Variants in EPGN observed in about 807,000 individuals in gnomAD.
The protein encoded by EPGN is epithelial mitogen, also known as epigen.
A neutral mutation model predicts 20.7 loss-of-function variants in EPGN; 21 were observed. That is an observed-to-expected ratio of 1.01 (90% CI 0.72 to 1.46). The LOEUF is 1.46. Ranked by LOEUF, EPGN falls within the 40% of genes most tolerant of loss-of-function variation. The pLI, the probability that EPGN is intolerant of heterozygous loss-of-function variation, is 0.00. For synonymous variants in EPGN, 69 were observed against 63.8 expected (o/e 1.08, Z -0.39); for missense variants, 199 against 180.7 (o/e 1.10, Z -0.58).
In EPGN at chr4:74,315,836, C is replaced by A. The variant is rs979020813; in HGVS notation, c.*1199C>A. 1.3e-5 allele frequency among the ~76,000 whole-genome samples: 2 copies of A among 151,648 alleles called. No homozygotes were observed. Among genetic ancestry groups the A allele is most frequent in the Non-Finnish European group, 1.5e-5 (1 of 67,978 alleles). On this transcript the variant is annotated 3_prime_UTR_variant, in exon 5 of 5. Transcript: ENST00000413830. ...GCGTGGTGGTGCATGCCTGTAATCC[C>A]AGCTACTCCAGAGGCTGACACAGGA...
At chr4:74,314,528 G>T in intron 4 of EPGN, 52 bp from the exon 5 acceptor site, 3 of 1,507,650 alleles carry the variant, frequency 2.0e-6, no homozygotes, top group South Asian at 2.4e-5. Context: ...AAGCTTCAAT[G>T]ACCTATATGA....
Position 74,316,293 on chromosome 4 carries a change from C to A in EPGN, c.*1656C>A, listed in dbSNP as rs565085536. 6.6e-6 allele frequency among the ~76,000 whole-genome samples: 1 copy of A among 152,120 alleles called. No homozygotes were observed. The highest frequency in any genetic ancestry group is 2.1e-4 in the South Asian group (1 of 4,820). On this transcript the variant is annotated 3_prime_UTR_variant, in exon 5 of 5. Coordinates refer to ENST00000413830, the MANE Select transcript of EPGN (RefSeq NM_001270989.2). ...AATATTAAAGAGTAATAATAGCTATCATTTTTTAAGATTCAATCTAAAACA... is the reference window on the plus strand; with the variant it reads ...AATATTAAAGAGTAATAATAGCTATAATTTTTTAAGATTCAATCTAAAACA...
At chr4:74,314,146 G>A (rs1182224837) in intron 4 of EPGN, 7 of 457,786 alleles carry the variant, frequency 1.5e-5, no homozygotes, top group Non-Finnish European at 2.6e-5. Context: ...CTGTAATAAA[G>A]TAAGGAAAGC....
chr4:74,308,672 G>A, intron 1 of EPGN, 96 bp downstream of exon 1: 1 of 1,030,426 alleles, frequency 9.7e-7, no homozygotes, highest in South Asian at 1.7e-5. Context: ...GCTTCTAACA[G>A]TTGTTCTTTA....
In EPGN at chr4:74,314,807, G is replaced by T. The variant is rs1245953805; in HGVS notation, c.*170G>T. 4.6e-6 allele frequency: 3 copies of T among 655,682 alleles called. No individual in the cohort carries two copies. Among genetic ancestry groups the T allele is most frequent in the Admixed American group, 2.9e-5 (1 of 34,536 alleles). 40.6% of individuals were successfully genotyped at this position (655,682 alleles called of 1,614,324 possible). ...AATTCAGCGTTGGCCTTTAGACTTT[G>T]CCATCCTTAAGGAGTGATGGAAGCC... On this transcript the variant is annotated 3_prime_UTR_variant, in exon 5 of 5. Coordinates refer to ENST00000413830, the MANE Select transcript of EPGN (RefSeq NM_001270989.2).
At chr4:74,314,076 T>C (rs1244540375) in intron 4 of EPGN, 3 of 455,682 alleles carry the variant, frequency 6.6e-6, no homozygotes, top group Non-Finnish European at 1.3e-5. Context: ...AGCCTTCAGA[T>C]AGAGATTGCT....
chr4:74,312,560 T>A (rs1751030698), intron 3 of EPGN, among the ~76,000 whole-genome samples: 1 of 152,144 alleles, frequency 6.6e-6, no homozygotes, highest in African/African-American at 2.4e-5. Flanking sequence ...AAATGCAGGA[T>A]CTATGCTCTA....
intron 1 of EPGN, 89 bp from the exon 2 acceptor site, chr4:74,309,004 G>T: frequency 1.0e-6 from 1 of 967,106 alleles, no homozygotes; most frequent in Non-Finnish European, 1.6e-6. Flanking sequence ...AATAGAAATT[G>T]GAATAAACAG....
intron 2 of EPGN, among the ~76,000 whole-genome samples, chr4:74,309,577 A>G (rs574708433): frequency 7.1e-6 from 1 of 139,900 alleles, no homozygotes; most frequent in African/African-American, 3.3e-5. Flanking sequence ...CATTATGGCT[A>G]CAAGATGAAC....
At chr4:74,314,446 G>T in intron 4 of EPGN, 134 bp from the exon 5 acceptor site, 1 of 819,412 alleles carries the variant, frequency 1.2e-6, no homozygotes, top group Non-Finnish European at 1.9e-6. Context: ...GCTGCTGAGG[G>T]ATGGGTTGAC....
rs902883031 is a variant in EPGN, at chr4:74,314,892, G to A, written c.*255G>A. The A allele has an allele frequency of 1.4e-5, 7 of 506,318 alleles. No individual in the cohort carries two copies. Among genetic ancestry groups the A allele is most frequent in the Non-Finnish European group, 2.5e-5 (7 of 284,688 alleles). 31.4% of individuals were successfully genotyped at this position (506,318 alleles called of 1,614,324 possible). ...ATAGTTTCACTCTGGGTTTTTTGTT[G>A]TTGTGTGGTTATTATTCTCACTACA... On this transcript the variant is annotated 3_prime_UTR_variant, in exon 5 of 5. Transcript: ENST00000413830.
At position 74,308,595 on chromosome 4, in the gene EPGN, T is replaced by C. The variant is rs757089688; in HGVS notation, c.43+19T>C. On this transcript the variant is annotated intron_variant, in intron 1 of 4. Coordinates refer to ENST00000413830, the MANE Select transcript of EPGN (RefSeq NM_001270989.2). ...TTCAACGGTAGGTAATTTCCTTTTG[T>C]TTTGTTAACTTTATATCAGTGTAAA... is the stretch of plus-strand genomic sequence containing the variant. 2.6e-5 allele frequency: 41 copies of C among 1,602,378 alleles called. No individual in the cohort carries two copies. The highest frequency in any genetic ancestry group is 3.4e-5 in the Non-Finnish European group (40 of 1,171,100).
At chr4:74,309,700 T>C (rs377393116) in intron 2 of EPGN, among the ~76,000 whole-genome samples, 8 of 152,306 alleles carry the variant, frequency 5.3e-5, no homozygotes, top group Middle Eastern at 3.4e-3. Flanking sequence ...TTTTTGTTGT[T>C]GATGGTAATG....
rs746754153 is a variant in EPGN at position 74,308,593 on chromosome 4, T to G, written c.43+17T>G. The G allele has an allele frequency of 1.2e-6, 2 of 1,606,600 alleles. No individual in the cohort carries two copies. The highest frequency in any genetic ancestry group is 1.7e-5 in the Admixed American group (1 of 59,618). On this transcript the variant is annotated intron_variant, in intron 1 of 4. Transcript: ENST00000413830. ...TATTCAACGGTAGGTAATTTCCTTT[T>G]GTTTTGTTAACTTTATATCAGTGTA...
At chr4:74,312,021 C>T (rs925931921) in intron 2 of EPGN, among the ~76,000 whole-genome samples, 164 bp from the exon 3 acceptor site, 13 of 152,134 alleles carry the variant, frequency 8.5e-5, no homozygotes, top group African/African-American at 3.1e-4. Flanking sequence ...ATGATATTAA[C>T]CCAGCCCTTG....
In EPGN at chr4:74,315,273, T is replaced by C. The variant is rs1751216450; in HGVS notation, c.*636T>C. On this transcript the variant is annotated 3_prime_UTR_variant, in exon 5 of 5. Coordinates refer to ENST00000413830, the MANE Select transcript of EPGN (RefSeq NM_001270989.2). ...AGCTTGTAACAACATACAGCCTTTC[T>C]ATGTGAAATAATGGAATAAACTAAA... 6.6e-6 allele frequency: 1 copy of C among 152,338 alleles called. No individual in the cohort carries two copies. The highest frequency in any genetic ancestry group is 2.4e-5 in the African/African-American group (1 of 41,466). 9.4% of individuals were successfully genotyped at this position (152,338 alleles called of 1,614,324 possible).
At position 74,314,664 on chromosome 4, in the gene EPGN, G is replaced by A; in HGVS notation, c.*27G>A. 6.5e-7 allele frequency: 1 copy of A among 1,534,272 alleles called. No homozygotes were observed. On this transcript the variant is annotated 3_prime_UTR_variant, in exon 5 of 5. Transcript: ENST00000413830. ...GCCTTTGTGAAGAATTTTCATCAAG[G>A]CATCTGTAGAGATCAGTGAGCCCAA...
intron 4 of EPGN, chr4:74,314,219 G>A: frequency 6.2e-6 from 3 of 483,050 alleles, no homozygotes; most frequent in Non-Finnish European, 1.2e-5. Context: ...GCCCCAGCCT[G>A]ATTCCACAGG....
chr4:74,309,757 G>A (rs1454324498), intron 2 of EPGN, among the ~76,000 whole-genome samples: 1 of 152,102 alleles, frequency 6.6e-6, no homozygotes, highest in African/African-American at 2.4e-5. Context: ...GCTTCTGGAT[G>A]CTCTTGAGCA....
Sources: allele counts gnomAD v4.1 joint callset (sites outside exome capture counted in the v4.1 genomes callset), GRCh38; gene constraint gnomAD v4.1.1; transcripts MANE v1.5; gene names NCBI Gene and HGNC (gene_info 2026-07-23, HGNC 2026-07-21).